The following ZFC3H1 variants were observed in gnomAD, a reference collection of about 807,000 sequenced individuals.
ZFC3H1 encodes zinc finger C3H1-type containing.
Under a neutral mutation model 243.7 loss-of-function variants are expected in ZFC3H1, and 71 were observed. The observed-to-expected ratio is 0.29, with a 90% CI of 0.24 to 0.36. The LOEUF is 0.36. Among genes scored for constraint, ZFC3H1 ranks in the 10% least tolerant of loss-of-function variants. The pLI, the probability that ZFC3H1 is intolerant of heterozygous loss-of-function variation, is 1.00. For missense variants in ZFC3H1, 1,966 were observed against 2,317.1 expected, an observed-to-expected ratio of 0.85 and a Z score of 3.11; for synonymous variants, 838 against 813.0, an observed-to-expected ratio of 1.03 and a Z score of -0.52.
intron 5 of ZFC3H1, 27 bp downstream of exon 5, chr12:71,644,068 T>C: frequency 1.9e-6 from 3 of 1,581,612 alleles, no homozygotes; most frequent in Non-Finnish European, 2.6e-6. Context: ...GAGTAACGTT[T>C]TGATTTTATA....
At chr12:71,622,313 G>A (rs1592586387) in intron 24 of ZFC3H1, among the ~76,000 whole-genome samples, 1 of 152,148 alleles carries the variant, frequency 6.6e-6, no homozygotes, top group Non-Finnish European at 1.5e-5. Context: ...GACCCACTTT[G>A]TCATACTGAT....
chr12:71,622,589 A>C (rs1261490029), intron 24 of ZFC3H1, among the ~76,000 whole-genome samples: 1 of 151,944 alleles, frequency 6.6e-6, no homozygotes. Flanking sequence ...CAGCCTCCCG[A>C]GTAGCTGGGA....
rs367876411 is a variant in ZFC3H1, at chr12:71,632,326, T to C, written c.3006A>G (p.Glu1002=). The part of the protein sequence containing the change: ...KEQQNISPVV[E]EEPEFSLPQP... Reference sequence around the variant, plus strand: ...GAGGTAAAGAAAATTCGGGTTCCTCTTCCACAACTGGAGAGATATTTTGTT... The same window carrying C: ...GAGGTAAAGAAAATTCGGGTTCCTCCTCCACAACTGGAGAGATATTTTGTT... Residue 1002 remains glutamate (E), a synonymous_variant, in exon 15 of 35, where the codon GAA becomes GAG. Transcript: ENST00000378743. The C allele has an allele frequency of 7.4e-6, 12 of 1,613,798 alleles. No homozygotes were observed. The African/African-American group carries it at 1.5e-4, about 20-fold the overall frequency.
chr12:71,618,405 T>C (rs985874355), intron 27 of ZFC3H1, among the ~76,000 whole-genome samples: 8 of 152,204 alleles, frequency 5.3e-5, no homozygotes, highest in East Asian at 1.9e-4. Flanking sequence ...TGGGGAGATA[T>C]TCAGCTTAGG....
rs1319351358 is a variant in ZFC3H1 at position 71,639,828 on chromosome 12, CAGG to C, written c.1628-1316_1628-1314del. 1.8e-4 allele frequency among the ~76,000 whole-genome samples: 27 copies of C among 152,166 alleles called. 1 individual carries two copies. The highest frequency in any genetic ancestry group is 1.8e-3 in the Admixed American group (27 of 15,278). On this transcript the variant is annotated intron_variant, in intron 6 of 34. Transcript: ENST00000378743. ...TGCTACCCACCATGTCAGGATCATC[CAGG>C]AGGACAAAGAACTAGGCAAGTGTTT...
At chr12:71,633,716 G>T (rs11833557) in intron 12 of ZFC3H1, among the ~76,000 whole-genome samples, 1 of 152,054 alleles carries the variant, frequency 6.6e-6, no homozygotes, top group African/African-American at 2.4e-5. Flanking sequence ...AATATTCAAC[G>T]TTGGGCCAGG....
chr12:71,623,647 C>T, intron 23 of ZFC3H1, 50 bp from the exon 24 acceptor site: 5 of 1,307,424 alleles, frequency 3.8e-6, no homozygotes, highest in Non-Finnish European at 5.3e-6. Flanking sequence ...ATGTCAGTAC[C>T]AGATTAACAT....
chr12:71,663,656 A>G lies in ZFC3H1; in HGVS notation c.-46T>C. ...CACAACCTTAGCCCTCCGTCCGGGG[A>G]TCCGCCCGACAATTGCCTCGTTTCC... On this transcript the variant is annotated 5_prime_UTR_variant, in exon 1 of 35. Transcript: ENST00000378743. 1 of 1,570,540 alleles carries G rather than the reference A, an allele frequency of 6.4e-7. No homozygotes were observed.
chr12:71,618,067 C>T (rs1879932598), intron 27 of ZFC3H1, among the ~76,000 whole-genome samples: 1 of 151,956 alleles, frequency 6.6e-6, no homozygotes, highest in Non-Finnish European at 1.5e-5. Context: ...GAGTTCGAGA[C>T]CATCCTGGGT....
At chr12:71,629,474 A>G in intron 19 of ZFC3H1, 135 bp downstream of exon 19, 1 of 599,546 alleles carries the variant, frequency 1.7e-6, no homozygotes, top group Non-Finnish European at 2.9e-6. Context: ...GCCTGGAATG[A>G]TATGTATTAC....
chr12:71,610,624 T>A (rs1309290121), intron 34 of ZFC3H1, 59 bp from the exon 35 acceptor site: 2 of 1,612,112 alleles, frequency 1.2e-6, no homozygotes, highest in African/African-American at 1.3e-5. Flanking sequence ...CATTACCACA[T>A]CAATGGATAT....
intron 2 of ZFC3H1, chr12:71,656,637 C>T (rs1197103463): frequency 3.4e-6 from 2 of 591,698 alleles, no homozygotes; most frequent in Non-Finnish European, 5.8e-6. Context: ...ACAAAGGTGT[C>T]CACTATTATC....
chr12:71,624,477 T>G (rs1224933988), intron 22 of ZFC3H1, among the ~76,000 whole-genome samples, 185 bp from the exon 23 acceptor site: 1 of 152,304 alleles, frequency 6.6e-6, no homozygotes, highest in South Asian at 2.1e-4. Context: ...CTATCACATA[T>G]CGAAAAGTGG....
At position 71,638,526 on chromosome 12, in the gene ZFC3H1, ATTT is replaced by A. The variant is rs542287271; in HGVS notation, c.1628-14_1628-12del. On this transcript the variant is annotated splice_polypyrimidine_tract_variant and intron_variant, in intron 6 of 34. Coordinates refer to ENST00000378743, the MANE Select transcript of ZFC3H1 (RefSeq NM_144982.5). Reference sequence around the variant, plus strand: ...GCACTGGTGAAGGAGCTGTAAAAAAATTTTTTGTTAAGAGTTTAATAACAGAAA... The same window carrying A: ...GCACTGGTGAAGGAGCTGTAAAAAAATTTGTTAAGAGTTTAATAACAGAAA... 3.8e-6 allele frequency: 6 copies of A among 1,588,152 alleles called. No homozygotes were observed. The Admixed American group carries it at 1.1e-4, about 30-fold the overall frequency.
chr12:71,627,701 T>A (rs748908470), intron 21 of ZFC3H1, 50 bp downstream of exon 21: 3 of 1,532,504 alleles, frequency 2.0e-6, no homozygotes, highest in South Asian at 2.5e-5. Flanking sequence ...ACCTCAAACA[T>A]AAAAATATAA....
chr12:71,634,058 T>C (rs1880395090), intron 12 of ZFC3H1, 97 bp downstream of exon 12: 3 of 1,243,408 alleles, frequency 2.4e-6, no homozygotes, highest in Admixed American at 2.5e-5. Context: ...AGTGAGAAAA[T>C]GTATAATCTT....
At chr12:71,643,828 A>C (rs1880660213) in intron 5 of ZFC3H1, among the ~76,000 whole-genome samples, 1 of 152,236 alleles carries the variant, frequency 6.6e-6, no homozygotes, top group African/African-American at 2.4e-5. Context: ...TTTCAGAATA[A>C]GTTTTCACCA....
Position 71,632,452 on chromosome 12 carries a change from T to C in ZFC3H1, c.2880A>G (p.Glu960=). The C allele has an allele frequency of 6.2e-7, 1 of 1,603,482 alleles. No homozygotes were observed. Among genetic ancestry groups the C allele is most frequent in the East Asian group, 2.2e-5 (1 of 44,850 alleles). The change falls in exon 15 of 35, where the codon GAA becomes GAG. Residue 960 remains glutamate, a synonymous_variant. Coordinates refer to ENST00000378743, the MANE Select transcript of ZFC3H1 (RefSeq NM_144982.5). ...ACCGTCTTTTCTCCATAGCAATTAG[T>C]TCTGCTGAATGCTTTCTTGGACTTG... ...PVSSPRKHSA[E]LIAMEKRRLQ...
chr12:71,644,746 A>G, intron 4 of ZFC3H1, 131 bp downstream of exon 4: 2 of 1,023,318 alleles, frequency 2.0e-6, no homozygotes, highest in Non-Finnish European at 1.4e-6. Context: ...TGAACCTGGG[A>G]GGTGGAGGTT....
Sources: allele counts gnomAD v4.1 joint callset (sites outside exome capture counted in the v4.1 genomes callset), GRCh38; gene constraint gnomAD v4.1.1; transcripts MANE v1.5; gene names NCBI Gene and HGNC (gene_info 2026-07-23, HGNC 2026-07-21).